NRG1: variants seen among roughly 807,000 people sequenced by gnomAD.
The protein encoded by NRG1 is pro-neuregulin-1, membrane-bound isoform.
Under a neutral mutation model 63.8 loss-of-function variants are expected in NRG1, and 18 were observed. The ratio of observed to expected loss-of-function variants is 0.28; its 90% CI spans 0.19 to 0.42. The LOEUF (loss-of-function observed/expected upper bound fraction) is 0.42. Among genes scored for constraint, NRG1 ranks in the 10% least tolerant of loss-of-function variants. NRG1 has a pLI of 1.00. For synonymous variants in NRG1, 302 were observed against 301.3 expected, an observed-to-expected ratio of 1.00 and a Z score of -0.02; for missense variants, 762 against 814.7, an observed-to-expected ratio of 0.94 and a Z score of 0.79.
chr8:31,789,086 C>T (rs1820446707), intron 1 of NRG1, among the ~76,000 whole-genome samples: 1 of 152,174 alleles, frequency 6.6e-6, no homozygotes. Context: ...TTCTAATACT[C>T]GCATTTCCAC....
chr8:31,773,135 C>A (rs531294546), intron 1 of NRG1, among the ~76,000 whole-genome samples: 3 of 152,244 alleles, frequency 2.0e-5, no homozygotes, highest in Admixed American at 2.0e-4. Context: ...TATAGCAAGA[C>A]AAACTTGCTC....
chr8:32,259,865 C>T (rs1036923097), intron 1 of NRG1, among the ~76,000 whole-genome samples: 1 of 152,108 alleles, frequency 6.6e-6, no homozygotes, highest in Non-Finnish European at 1.5e-5. Context: ...CACCTCTCTC[C>T]TTTTCTCATC....
At chr8:32,464,620 G>T (rs1241962945) in intron 1 of NRG1, among the ~76,000 whole-genome samples, 1 of 152,064 alleles carries the variant, frequency 6.6e-6, no homozygotes, top group Non-Finnish European at 1.5e-5. Context: ...TCACTAACAG[G>T]TTGCATTACT....
chr8:32,615,223 A>G (rs1847134607), intron 4 of NRG1, among the ~76,000 whole-genome samples: 2 of 150,236 alleles, frequency 1.3e-5, no homozygotes, highest in Admixed American at 6.8e-5. Context: ...TCTATCCTCT[A>G]TGTATTTCAT....
At chr8:31,907,559 A>G (rs569951547) in intron 1 of NRG1, among the ~76,000 whole-genome samples, 1 of 152,190 alleles carries the variant, frequency 6.6e-6, no homozygotes, top group Admixed American at 6.5e-5. Flanking sequence ...CATATGTAAA[A>G]CACAAAAAAC....
intron 1 of NRG1, among the ~76,000 whole-genome samples, chr8:32,572,363 A>T (rs542771358): frequency 2.8e-4 from 42 of 152,334 alleles, no homozygotes; most frequent in African/African-American, 1.0e-3. Context: ...TCAATATATC[A>T]TAAGTGAGGT....
At chr8:32,439,149 C>T (rs988264390) in intron 1 of NRG1, among the ~76,000 whole-genome samples, 4 of 152,140 alleles carry the variant, frequency 2.6e-5, no homozygotes, top group East Asian at 3.8e-4. Context: ...TCCATCTCCA[C>T]TAATGTCATA....
intron 1 of NRG1, among the ~76,000 whole-genome samples, chr8:32,079,712 ATT>A (rs1004450088): frequency 6.6e-6 from 1 of 151,792 alleles, no homozygotes; most frequent in African/African-American, 2.4e-5. Context: ...CATGTACAGA[ATT>A]TTTTTTTCCT....
intron 1 of NRG1, among the ~76,000 whole-genome samples, chr8:32,283,717 G>T (rs1332242159): frequency 6.6e-6 from 1 of 152,166 alleles, no homozygotes. Context: ...TAGAGAAACA[G>T]CAAGATAATT....
chr8:32,687,768 T>C (rs995725758), intron 5 of NRG1, among the ~76,000 whole-genome samples: 7 of 152,234 alleles, frequency 4.6e-5, no homozygotes, highest in Non-Finnish European at 7.3e-5. Flanking sequence ...CTCAGAGATA[T>C]GTAAGAGTAC....
chr8:32,099,170 TG>T (rs1830254713), intron 1 of NRG1, among the ~76,000 whole-genome samples: 1 of 152,158 alleles, frequency 6.6e-6, no homozygotes, highest in African/African-American at 2.4e-5. Context: ...GCGCTTGTGC[TG>T]GGGAGGGCTA....
At chr8:31,777,109 C>T (rs1563389360) in intron 1 of NRG1, among the ~76,000 whole-genome samples, 1 of 152,172 alleles carries the variant, frequency 6.6e-6, no homozygotes, top group Non-Finnish European at 1.5e-5. Context: ...TATGAGACCA[C>T]ATCCAAAATC....
intron 5 of NRG1, among the ~76,000 whole-genome samples, chr8:32,688,115 G>T (rs1810650746): frequency 6.6e-6 from 1 of 152,182 alleles, no homozygotes; most frequent in African/African-American, 2.4e-5. Context: ...ATAGGAATTA[G>T]TTTTGATGGT....
chr8:32,446,999 T>TTTTA (rs67102016), intron 1 of NRG1, among the ~76,000 whole-genome samples: 23,139 of 146,258 alleles, frequency 0.16, 2,306 homozygotes, highest in Admixed American at 0.3. Context: ...CTAAAATACT[T>TTTTA]TTTATTTATT....
intron 1 of NRG1, among the ~76,000 whole-genome samples, chr8:32,428,721 C>T (rs1036924488): frequency 2.0e-5 from 3 of 152,148 alleles, no homozygotes; most frequent in Non-Finnish European, 2.9e-5. Flanking sequence ...TGATAATTCC[C>T]GGTTATTGCA....
At chr8:32,089,370 T>G (rs796539142) in intron 1 of NRG1, among the ~76,000 whole-genome samples, 7 of 152,314 alleles carry the variant, frequency 4.6e-5, no homozygotes, top group African/African-American at 1.7e-4. Context: ...TAACAGGAGT[T>G]TTTCCTGCTG....
intron 1 of NRG1, among the ~76,000 whole-genome samples, chr8:32,297,071 CG>C (rs532932085): frequency 7.2e-4 from 109 of 151,812 alleles, no homozygotes; most frequent in Middle Eastern, 3.4e-3. Flanking sequence ...GCCAAGATCG[CG>C]CCACTGCACT....
chr8:31,765,904 G>A (rs1818010074), intron 1 of NRG1, among the ~76,000 whole-genome samples: 2 of 152,096 alleles, frequency 1.3e-5, no homozygotes, highest in Admixed American at 1.3e-4. Context: ...TGATGATCAG[G>A]TGACTTGATA....
chr8:31,774,607 C>A (rs959850510), intron 1 of NRG1, among the ~76,000 whole-genome samples: 1 of 152,140 alleles, frequency 6.6e-6, no homozygotes, highest in African/African-American at 2.4e-5. Flanking sequence ...TTGTTAGATA[C>A]ATAGTTTGCA....
Sources: allele counts gnomAD v4.1 joint callset (sites outside exome capture counted in the v4.1 genomes callset), GRCh38; gene constraint gnomAD v4.1.1; transcripts MANE v1.5; gene names NCBI Gene and HGNC (gene_info 2026-07-23, HGNC 2026-07-21).